The following AAK1 variants were observed in gnomAD, a reference collection of about 807,000 sequenced individuals.
AAK1 encodes the protein AP2 associated kinase 1.
A neutral mutation model predicts 116.0 loss-of-function variants in AAK1; 37 were observed. The ratio of observed to expected loss-of-function variants is 0.32; its 90% CI spans 0.25 to 0.42. The LOEUF (loss-of-function observed/expected upper bound fraction) is 0.42, where lower values mean the gene tolerates loss of function less well. Among genes scored for constraint, AAK1 ranks in the 10% least tolerant of loss-of-function variants. The probability of loss-of-function intolerance (pLI) is 1.00; values close to 1 mark genes in which losing one functional copy is unlikely to be tolerated. For missense variants in AAK1, 919 were observed against 1,170.6 expected, an observed-to-expected ratio of 0.79 and a Z score of 3.14; for synonymous variants, 458 against 439.9, an observed-to-expected ratio of 1.04 and a Z score of -0.51.
intron 19 of AAK1, 43 bp downstream of exon 19, chr2:69,480,817 C>T: frequency 2.6e-6 from 4 of 1,519,600 alleles, no homozygotes; most frequent in South Asian, 1.2e-5. Context: ...CAGAGGTTCA[C>T]CACACCGACC....
intron 2 of AAK1, among the ~76,000 whole-genome samples, chr2:69,563,411 G>A (rs1007791360): frequency 1.3e-5 from 2 of 152,206 alleles, no homozygotes; most frequent in Non-Finnish European, 2.9e-5. Flanking sequence ...GCCCATCATG[G>A]TGCTGAGACA....
chr2:69,621,944 C>A lies in AAK1; in HGVS notation c.163+20934G>T, dbSNP rs538981289. 4.0e-4 allele frequency among the ~76,000 whole-genome samples: 61 copies of A among 152,390 alleles called. 1 individual carries two copies. In the East Asian group the frequency reaches 0.01, roughly 25 times the overall value. On this transcript the variant is annotated intron_variant, in intron 2 of 21. Coordinates refer to ENST00000409085, the MANE Select transcript of AAK1 (RefSeq NM_014911.5). ...TGGCAGCCCTCCTAGCCCTCACTCG[C>A]TTTCGACGCCTCCTCGGCCTTGGCG...
chr2:69,599,932 C>G (rs1572995504), intron 2 of AAK1, among the ~76,000 whole-genome samples: 1 of 151,376 alleles, frequency 6.6e-6, no homozygotes, highest in Non-Finnish European at 1.5e-5. Context: ...TGTATGCCAC[C>G]ATATCCAGCT....
intron 3 of AAK1, among the ~76,000 whole-genome samples, chr2:69,554,761 G>A (rs1432733470): frequency 6.6e-6 from 1 of 152,216 alleles, no homozygotes; most frequent in Non-Finnish European, 1.5e-5. Flanking sequence ...AGTTCCCCTT[G>A]GGGAATTGCT....
intron 17 of AAK1, among the ~76,000 whole-genome samples, chr2:69,493,952 A>G (rs1247920206): frequency 5.3e-5 from 8 of 152,196 alleles, no homozygotes. Flanking sequence ...GGGGTAGGCA[A>G]GGGCCACACC....
chr2:69,643,654 G>A lies in AAK1; in HGVS notation c.-314C>T, dbSNP rs1238801821. ...CCGCCGGGCCGGCCTGCGACGCAGA[G>A]AAGAGGCGGCGCTGCAGCGAGAGCC... On this transcript the variant is annotated 5_prime_UTR_variant, in exon 1 of 22. Coordinates refer to ENST00000409085, the MANE Select transcript of AAK1 (RefSeq NM_014911.5). 7.3e-6 allele frequency: 9 copies of A among 1,227,002 alleles called. No homozygotes were observed. The highest frequency in any genetic ancestry group is 8.1e-6 in the Non-Finnish European group (8 of 984,932). The allele number at this position is 1,227,002 out of a possible 1,614,324, so 76.0% of individuals were successfully genotyped here. A position where few individuals can be genotyped will look rare whatever the true frequency, so the allele number is the denominator to read the frequency against.
At chr2:69,497,762 A>G (rs1473831386) in intron 16 of AAK1, among the ~76,000 whole-genome samples, 1 of 152,092 alleles carries the variant, frequency 6.6e-6, no homozygotes, top group Non-Finnish European at 1.5e-5. Context: ...ACAGAACCAC[A>G]AGAAGTTCCT....
intron 2 of AAK1, among the ~76,000 whole-genome samples, chr2:69,595,218 T>G (rs948447702): frequency 3.9e-5 from 6 of 152,234 alleles, no homozygotes; most frequent in Non-Finnish European, 8.8e-5. Flanking sequence ...GTTCAAGCGA[T>G]TCTCCTGCCT....
chr2:69,548,575 T>TTC (rs966914075), intron 3 of AAK1, among the ~76,000 whole-genome samples: 4 of 149,924 alleles, frequency 2.7e-5, no homozygotes, highest in Admixed American at 1.3e-4. Flanking sequence ...CTTTCTTTCT[T>TTC]TCTCTCTCTC....
chr2:69,637,714 G>A (rs763199156), intron 2 of AAK1, among the ~76,000 whole-genome samples: 1 of 152,110 alleles, frequency 6.6e-6, no homozygotes, highest in African/African-American at 2.4e-5. Flanking sequence ...TCCCCTTTCC[G>A]AAGCGTCAAC....
intron 2 of AAK1, among the ~76,000 whole-genome samples, chr2:69,563,005 A>C (rs570795185): frequency 6.6e-6 from 1 of 152,202 alleles, no homozygotes; most frequent in Non-Finnish European, 1.5e-5. Context: ...TTGAGGCTAC[A>C]GTGAACTATG....
chr2:69,485,636 A>C (rs1297332098), intron 17 of AAK1, among the ~76,000 whole-genome samples: 1 of 151,886 alleles, frequency 6.6e-6, no homozygotes, highest in Non-Finnish European at 1.5e-5. Context: ...AGGTGGAAAG[A>C]ACAGGAATTG....
At chr2:69,492,842 C>T (rs1675584211) in intron 17 of AAK1, among the ~76,000 whole-genome samples, 2 of 151,886 alleles carry the variant, frequency 1.3e-5, no homozygotes, top group African/African-American at 4.8e-5. Flanking sequence ...TTCTTATCAT[C>T]AGTATGGCTG....
intron 6 of AAK1, chr2:69,531,816 T>C (rs1399463850): frequency 1.6e-6 from 2 of 1,252,582 alleles, no homozygotes; most frequent in East Asian, 3.5e-5. Flanking sequence ...GGACCACTGA[T>C]AAAGTGCTCT....
intron 3 of AAK1, among the ~76,000 whole-genome samples, chr2:69,552,817 G>A (rs552066855): frequency 1.3e-5 from 2 of 151,860 alleles, no homozygotes; most frequent in Non-Finnish European, 2.9e-5. Context: ...AGATTTCTTA[G>A]GTTTGACACC....
chr2:69,643,577 G>C lies in AAK1; in HGVS notation c.-237C>G. On this transcript the variant is annotated splice_region_variant and 5_prime_UTR_variant, in exon 1 of 22. Coordinates refer to ENST00000409085, the MANE Select transcript of AAK1 (RefSeq NM_014911.5). The stretch of plus-strand genomic sequence containing the variant: ...GGCGGCATCCTGGCAGCACCCACTT[G>C]AGACGGCTCGGCGGCCGGCGCCCTG... The C allele has an allele frequency of 8.1e-7, 1 of 1,228,376 alleles. No individual in the cohort carries two copies. Among genetic ancestry groups the C allele is most frequent in the Non-Finnish European group, 1.0e-6 (1 of 986,106 alleles). 76.1% of individuals were successfully genotyped at this position (1,228,376 alleles called of 1,614,324 possible). A position where few individuals can be genotyped will look rare whatever the true frequency, so the allele number is the denominator to read the frequency against.
In AAK1 at chr2:69,471,855, G is replaced by C. The variant is rs1440858112; in HGVS notation, c.*4014C>G. On this transcript the variant is annotated 3_prime_UTR_variant, in exon 22 of 22. Coordinates refer to ENST00000409085, the MANE Select transcript of AAK1 (RefSeq NM_014911.5). ...GGTTATATTGGTTGATCAATTATCT[G>C]TCAGGAGAGTAGGAAATAAGTAATC... 1 of 985,222 alleles carries C rather than the reference G, an allele frequency of 1.0e-6. No homozygotes were observed. The highest frequency in any genetic ancestry group is 6.1e-5 in the Admixed American group (1 of 16,266). 61.0% of individuals were successfully genotyped at this position (985,222 alleles called of 1,614,324 possible).
At chr2:69,612,642 C>T (rs972180347) in intron 2 of AAK1, among the ~76,000 whole-genome samples, 3 of 152,200 alleles carry the variant, frequency 2.0e-5, no homozygotes, top group Non-Finnish European at 4.4e-5. Context: ...GTCCTTGCCT[C>T]CTTCACCATT....
At position 69,514,591 on chromosome 2, in the gene AAK1, A is replaced by C. The variant is rs1676510305; in HGVS notation, c.1656T>G (p.His552Gln). ...CCTGCTGAGTCATCAGCTGTTGTTG[A>C]TGCAGGGCTGTGGCCAGCTGTTGCT... ...QQQQQLATALHQQQLMTQQAA... is the reference protein window; with the variant it reads ...QQQQQLATALQQQQLMTQQAA... The change falls in exon 13 of 22, where the codon CAT becomes CAG. Residue 552 changes from histidine (H) to glutamine (Q), a missense_variant. This residue lies in a region of AAK1 where 214 missense variants were observed against 210.6 expected (regional missense o/e 1.02). Transcript: ENST00000409085. 1 of 1,584,984 alleles carries C rather than the reference A, an allele frequency of 6.3e-7. No homozygotes were observed. Among genetic ancestry groups the C allele is most frequent in the African/African-American group, 1.3e-5 (1 of 74,390 alleles).
Sources: allele counts gnomAD v4.1 joint callset (sites outside exome capture counted in the v4.1 genomes callset), GRCh38; gene constraint gnomAD v4.1.1; regional missense constraint gnomAD v4.1.1; transcripts MANE v1.5; gene names NCBI Gene and HGNC (gene_info 2026-07-23, HGNC 2026-07-21).